GPC4: variants seen among roughly 807,000 people sequenced by gnomAD.
GPC4 encodes glypican-4.
GPC4 carries 10 observed loss-of-function variants against 35.0 expected under a neutral mutation model. The observed-to-expected ratio is 0.29, with a 90% CI of 0.18 to 0.48. The LOEUF (loss-of-function observed/expected upper bound fraction) is 0.48, where lower values mean the gene tolerates loss of function less well. Ranked by LOEUF, GPC4 falls within the 20% of genes least tolerant of loss-of-function variation. The probability of loss-of-function intolerance (pLI) is 0.99; values close to 1 mark genes in which losing one functional copy is unlikely to be tolerated. For missense variants in GPC4, 322 were observed against 451.3 expected (o/e 0.71, Z 2.60); for synonymous variants, 167 against 170.2 (o/e 0.98, Z 0.15).
intron 1 of GPC4, among the ~76,000 whole-genome samples, chrX:133,377,456 C>A (rs898965216): frequency 3.6e-5 from 4 of 112,249 alleles, no homozygotes; most frequent in African/African-American, 1.3e-4. Flanking sequence ...CCCTTGGCAG[C>A]AGGGTTGAAC....
chrX:133,406,425 G>A (rs1234026638), intron 1 of GPC4, among the ~76,000 whole-genome samples: 1 of 112,346 alleles, frequency 8.9e-6, no homozygotes, highest in Non-Finnish European at 1.9e-5. Context: ...GAATCTCATT[G>A]GAAAATTTAG....
chrX:133,313,532 T>A (rs2068325172), intron 3 of GPC4, among the ~76,000 whole-genome samples: 1 of 111,896 alleles, frequency 8.9e-6, no homozygotes, highest in South Asian at 3.8e-4. Context: ...TCCTTTAAAG[T>A]CACAGATTGT....
chrX:133,303,833 T>C (rs1482719677), intron 7 of GPC4, among the ~76,000 whole-genome samples: 2 of 106,233 alleles, frequency 1.9e-5, no homozygotes, highest in African/African-American at 7.0e-5. Flanking sequence ...GCAGCTGAGA[T>C]TGCAGTGAGG....
chrX:133,397,189 C>T (rs903570739), intron 1 of GPC4, among the ~76,000 whole-genome samples: 2 of 112,120 alleles, frequency 1.8e-5, no homozygotes, highest in Non-Finnish European at 3.8e-5. Flanking sequence ...CTTTGGGAGG[C>T]CAAGGCAGGC....
At chrX:133,350,510 G>C (rs1225365504) in intron 1 of GPC4, among the ~76,000 whole-genome samples, 2 of 110,032 alleles carry the variant, frequency 1.8e-5, no homozygotes, top group African/African-American at 6.6e-5. Flanking sequence ...GGAGTGGGGT[G>C]GGGGGGAATG....
intron 1 of GPC4, among the ~76,000 whole-genome samples, chrX:133,381,285 T>C (rs774814376): frequency 2.8e-4 from 32 of 112,399 alleles, no homozygotes; most frequent in African/African-American, 9.0e-4. Flanking sequence ...ATTTTGAAAA[T>C]GTGAATTTGT....
chrX:133,394,275 A>T (rs1040242227), intron 1 of GPC4, among the ~76,000 whole-genome samples: 2 of 110,175 alleles, frequency 1.8e-5, no homozygotes, highest in African/African-American at 6.6e-5. Context: ...GTCTCAAAAA[A>T]AAATATATAT....
At chrX:133,365,194 C>A (rs2068584755) in intron 1 of GPC4, among the ~76,000 whole-genome samples, 1 of 111,495 alleles carries the variant, frequency 9.0e-6, no homozygotes, top group African/African-American at 3.3e-5. Context: ...ATTGCAACTG[C>A]AGTTTTGGTG....
At chrX:133,365,357 T>C (rs971969890) in intron 1 of GPC4, among the ~76,000 whole-genome samples, 1 of 111,912 alleles carries the variant, frequency 8.9e-6, no homozygotes, top group African/African-American at 3.3e-5. Flanking sequence ...CCAACATTTA[T>C]TGAGTAACTA....
chrX:133,323,359 A>G (rs912146180), intron 3 of GPC4, among the ~76,000 whole-genome samples: 1 of 111,545 alleles, frequency 9.0e-6, no homozygotes, highest in African/African-American at 3.3e-5. Context: ...ACACGCCTGC[A>G]ATCCCAGCTA....
Position 133,354,369 on chromosome X carries a change from C to T in GPC4, c.161-15028G>A, listed in dbSNP as rs760454586. ...CAAATATGACAACTGAATTAAATGT[C>T]GGTCTTGTTTTAAAGATAATACTTG... is the stretch of plus-strand genomic sequence containing the variant. On this transcript the variant is annotated intron_variant, in intron 1 of 8. Transcript: ENST00000370828. Among the ~76,000 whole-genome samples, 16 of 111,744 alleles carry T rather than the reference C, an allele frequency of 1.4e-4. No homozygotes were observed. In the South Asian group the frequency reaches 4.1e-3, roughly 29 times the overall value.
chrX:133,305,943 G>A (rs775040603), intron 5 of GPC4, 25 bp from the exon 6 acceptor site: 1 of 1,208,548 alleles, frequency 8.3e-7, no homozygotes, highest in African/African-American at 1.8e-5. Flanking sequence ...GTGTCGTCAT[G>A]TTAGGGAAGT....
At chrX:133,334,856 A>T (rs1383858524) in intron 2 of GPC4, among the ~76,000 whole-genome samples, 2 of 112,458 alleles carry the variant, frequency 1.8e-5, no homozygotes, top group Admixed American at 1.9e-4. Flanking sequence ...GAATATCTAC[A>T]GTTTGATACA....
intron 1 of GPC4, among the ~76,000 whole-genome samples, chrX:133,409,543 C>G (rs1198818090): frequency 9.0e-6 from 1 of 110,738 alleles, no homozygotes; most frequent in Non-Finnish European, 1.9e-5. Flanking sequence ...TACCCACAGA[C>G]AAGACGAGGA....
chrX:133,394,636 G>A (rs1456872748), intron 1 of GPC4, among the ~76,000 whole-genome samples: 1 of 111,655 alleles, frequency 9.0e-6, no homozygotes, highest in African/African-American at 3.3e-5. Flanking sequence ...ACTGGAGGTG[G>A]CTGTATTTAT....
chrX:133,316,295 A>G (rs2068338091), intron 3 of GPC4, among the ~76,000 whole-genome samples: 1 of 112,030 alleles, frequency 8.9e-6, no homozygotes, highest in South Asian at 3.7e-4. Context: ...GTGGAGCCCC[A>G]AAGAGATTAA....
At chrX:133,334,985 G>A (rs13440913) in intron 2 of GPC4, among the ~76,000 whole-genome samples, 1,952 of 111,780 alleles carry the variant, frequency 0.017, 49 homozygotes, top group African/African-American at 0.059. Context: ...TTTTAACTAT[G>A]CTTCTTTTAA....
rs1286696576 is a variant in GPC4 at position 133,301,605 on chromosome X, C to G, written c.*1262G>C. Reference sequence around the variant, plus strand: ...ACAACACATACAAAAATCTGGACACCTAGTTCTCCCCTAAGTGGGCTCCTT... The same window carrying G: ...ACAACACATACAAAAATCTGGACACGTAGTTCTCCCCTAAGTGGGCTCCTT... On this transcript the variant is annotated 3_prime_UTR_variant, in exon 9 of 9. Coordinates refer to ENST00000370828, the MANE Select transcript of GPC4 (RefSeq NM_001448.3). The G allele has an allele frequency of 8.9e-6, 1 of 112,479 alleles. No homozygotes were observed. Among genetic ancestry groups the G allele is most frequent in the African/African-American group, 3.2e-5 (1 of 31,017 alleles). 9.3% of individuals were successfully genotyped at this position (112,479 alleles called of 1,213,427 possible). A position where few individuals can be genotyped will look rare whatever the true frequency, so the allele number is the denominator to read the frequency against.
intron 1 of GPC4, among the ~76,000 whole-genome samples, chrX:133,350,755 T>C: frequency 8.9e-6 from 1 of 112,228 alleles, no homozygotes; most frequent in Middle Eastern, 4.7e-3. Flanking sequence ...AGATCTGCAC[T>C]GAAGGACTGT....
Sources: allele counts gnomAD v4.1 joint callset (sites outside exome capture counted in the v4.1 genomes callset), GRCh38; gene constraint gnomAD v4.1.1; transcripts MANE v1.5; gene names NCBI Gene and HGNC (gene_info 2026-07-23, HGNC 2026-07-21).